GSDMD: variants seen among roughly 807,000 people sequenced by gnomAD.
The protein encoded by GSDMD is gasdermin-D.
A neutral mutation model predicts 46.7 loss-of-function variants in GSDMD; 46 were observed. That is an observed-to-expected ratio of 0.99 (90% confidence interval 0.78 to 1.26). GSDMD has a LOEUF of 1.26. Among genes scored for constraint, GSDMD ranks in the 50% most tolerant of loss-of-function variants. The pLI is 0.00. For missense variants in GSDMD, 649 were observed against 638.8 expected (o/e 1.02, Z -0.17); for synonymous variants, 307 against 283.1 (o/e 1.08, Z -0.85).
rs774693104 is a variant in GSDMD at position 143,560,941 on chromosome 8, C to T, written c.580-61C>T. 20 of 1,548,288 alleles carry T rather than the reference C, an allele frequency of 1.3e-5. No individual in the cohort carries two copies. The East Asian group carries it at 1.6e-4, about 12-fold the overall frequency. The stretch of plus-strand genomic sequence containing the variant: ...GCGGGCCTGCCCCCGGCACCCGGCC[C>T]GCACCCGCACCCCACGGCCCGGTGC... On this transcript the variant is annotated intron_variant, in intron 4 of 10. Transcript: ENST00000262580.
chr8:143,562,412 C>G, intron 9 of GSDMD, 36 bp from the exon 10 acceptor site: 1 of 1,580,132 alleles, frequency 6.3e-7, no homozygotes, highest in Non-Finnish European at 8.6e-7. Flanking sequence ...TCCCGGTGGG[C>G]GTTCAGAAAC....
At chr8:143,554,454 C>G (rs1477412616), upstream of GSDMD, among the ~76,000 whole-genome samples, 3 of 150,900 alleles carry the variant, frequency 2.0e-5, no homozygotes, top group African/African-American at 4.9e-5. Context: ...CACGGACGTG[C>G]ATGCACACGC....
Position 143,562,042 on chromosome 8 carries a change from C to G in GSDMD, c.907C>G (p.Leu303Val). ...EVETISKELE[L>V]LDRELCQLLL... is the part of the protein sequence containing the mutation. ...GGAGACCATCTCCAAGGAACTGGAGCTTTTGGACAGAGAGCTGTGCCAGCT... is the reference window on the plus strand; with the variant it reads ...GGAGACCATCTCCAAGGAACTGGAGGTTTTGGACAGAGAGCTGTGCCAGCT... Residue 303 changes from leucine (L) to valine (V), a missense_variant, in exon 8 of 11, where the codon CTT becomes GTT. Leu to Val is a conservative substitution (Grantham distance 32). Transcript: ENST00000262580. 3 of 1,599,696 alleles carry G rather than the reference C, an allele frequency of 1.9e-6. No homozygotes were observed. The highest frequency in any genetic ancestry group is 2.5e-6 in the Non-Finnish European group (3 of 1,177,446).
upstream of GSDMD, among the ~76,000 whole-genome samples, chr8:143,557,379 C>T (rs377722241): frequency 8.8e-4 from 94 of 106,286 alleles, 5 homozygotes; most frequent in South Asian, 2.8e-3. Flanking sequence ...GCCGCTATGG[C>T]GAAGGATGAT....
intron 6 of GSDMD, 126 bp from the exon 7 acceptor site, chr8:143,561,616 C>G: frequency 1.1e-6 from 1 of 951,242 alleles, no homozygotes; most frequent in Admixed American, 2.2e-5. Flanking sequence ...TCCCTTCCTG[C>G]CCTGGGCTGC....
At position 143,562,242 on chromosome 8, in the gene GSDMD, C is replaced by T. The variant is rs1158854301; in HGVS notation, c.1030C>T (p.Pro344Ser). The change falls in exon 9 of 11, where the codon CCC becomes TCC. Residue 344 changes from proline (P) to serine (S), a missense_variant. Transcript: ENST00000262580. ...EQGQSLGPVE[P>S]LDGPAGAVLE... is the part of the protein sequence containing the mutation. ...GGGCCAGAGCCTTGGGCCGGTGGAG[C>T]CCCTGGACGGTCCAGCAGGTGCTGT... is the stretch of plus-strand genomic sequence containing the variant. The T allele has an allele frequency of 6.4e-6, 10 of 1,563,664 alleles. No homozygotes were observed. Among genetic ancestry groups the T allele is most frequent in the Middle Eastern group, 1.7e-4 (1 of 5,978 alleles).
intron 1 of GSDMD, chr8:143,558,816 C>A: frequency 1.8e-6 from 1 of 565,988 alleles, no homozygotes; most frequent in Non-Finnish European, 3.3e-6. Context: ...CCTATCCCAG[C>A]GGAGGCCCGC....
upstream of GSDMD, chr8:143,555,166 C>A (rs1233209074): frequency 6.6e-6 from 1 of 152,262 alleles, no homozygotes; most frequent in African/African-American, 2.4e-5. Context: ...CTGCTAGAAC[C>A]CAGGATCGCT....
chr8:143,560,245 C>A (rs1261225709), intron 3 of GSDMD: 2 of 687,190 alleles, frequency 2.9e-6, no homozygotes, highest in Non-Finnish European at 5.3e-6. Context: ...AGCGCTGTGG[C>A]CGGAACCAGC....
rs150212290 is a variant in GSDMD at position 143,559,542 on chromosome 8, C to T, written c.207C>T (p.Ala69=). Residue 69 remains alanine, a synonymous_variant, in exon 2 of 11, where the codon GCC becomes GCT. Transcript: ENST00000262580. ...TCAAGGACATCCTGGAGCCGGATGC[C>T]GCGGAACCAGGTGCCTGATGTGGTG... ...LSIKDILEPD[A]AEPDVQRGRS... is the part of the protein sequence containing the mutation. The T allele has an allele frequency of 2.0e-3, 3,276 of 1,612,280 alleles. 5 individuals carry two copies. The highest frequency in any genetic ancestry group is 2.6e-3 in the Non-Finnish European group (3,047 of 1,179,624).
At chr8:143,557,105 G>A (rs1823312225), upstream of GSDMD, among the ~76,000 whole-genome samples, 1 of 152,262 alleles carries the variant, frequency 6.6e-6, no homozygotes, top group Admixed American at 6.5e-5. Flanking sequence ...TCCGCTCCGT[G>A]TGCCTGGCTT....
At position 143,561,986 on chromosome 8, in the gene GSDMD, C is replaced by A. The variant is rs1823472985; in HGVS notation, c.851C>A (p.Thr284Asn). ...GGGGTCCCTGCGGAGGGGGCGTTCA[C>A]TGAAGACTTCCAGGGCCTACGGGCA... ...TDGVPAEGAF[T>N]EDFQGLRAEV... Residue 284 changes from threonine to asparagine, a missense_variant, in exon 8 of 11, where the codon ACT becomes AAT. Transcript: ENST00000262580. 1 of 1,607,950 alleles carries A rather than the reference C, an allele frequency of 6.2e-7. No individual in the cohort carries two copies. Among genetic ancestry groups the A allele is most frequent in the South Asian group, 1.1e-5 (1 of 90,688 alleles).
At chr8:143,559,294 C>G in intron 1 of GSDMD, 38 bp from the exon 2 acceptor site, 2 of 929,460 alleles carry the variant, frequency 2.2e-6, no homozygotes, top group Non-Finnish European at 3.4e-6. Flanking sequence ...TCCCGCCCGC[C>G]CCGAGAGCAC....
upstream of GSDMD, among the ~76,000 whole-genome samples, chr8:143,556,706 TG>T (rs989598937): frequency 8.0e-5 from 12 of 149,318 alleles, no homozygotes; most frequent in African/African-American, 2.4e-4. Context: ...GAGGGCCGGG[TG>T]GGAGGACTAC....
chr8:143,560,647 G>A lies in GSDMD; in HGVS notation c.455G>A (p.Ser152Asn). The A allele has an allele frequency of 6.3e-7, 1 of 1,590,562 alleles. No homozygotes were observed. ...CACAAAGTCCTGCAGCAGCTGCGCA[G>A]CCGCGGGGACAACGTGTACGTGGTG... ...PEHKVLQQLR[S>N]RGDNVYVVTE... The change falls in exon 4 of 11, where the codon AGC (serine) becomes AAC (asparagine). Residue 152 changes from serine (S) to asparagine (N), a missense_variant. Ser to Asn is a conservative substitution (Grantham distance 46, BLOSUM62 1). Coordinates refer to ENST00000262580, the MANE Select transcript of GSDMD (RefSeq NM_024736.7).
At chr8:143,559,280 T>TGCCCCCCCC in intron 1 of GSDMD, 52 bp from the exon 2 acceptor site, 31 of 579,416 alleles carry the variant, frequency 5.4e-5, no homozygotes, top group African/African-American at 9.5e-5. Context: ...CTTCTCCCAC[T>TGCCCCCCCC]CCCTCCCGCC....
chr8:143,562,457 A>G lies in GSDMD; in HGVS notation c.1148A>G (p.Glu383Gly). The change falls in exon 10 of 11, where the codon GAA (glutamate) becomes GGA (glycine). Residue 383 changes from glutamate (E) to glycine (G), a missense_variant. Glu to Gly is a moderately conservative substitution (Grantham distance 98, BLOSUM62 -2). Coordinates refer to ENST00000262580, the MANE Select transcript of GSDMD (RefSeq NM_024736.7). ...YLLGALTMLS[E>G]TQHKLLAEAL... ...CCTGACTCTCTCCCAGTGCTGAGTG[A>G]AACGCAGCACAAGCTGCTGGCGGAG... The G allele has an allele frequency of 6.2e-7, 1 of 1,608,794 alleles. No individual in the cohort carries two copies. The highest frequency in any genetic ancestry group is 8.5e-7 in the Non-Finnish European group (1 of 1,179,406).
chr8:143,557,736 A>G (rs181648065), upstream of GSDMD: 33 of 290,848 alleles, frequency 1.1e-4, no homozygotes, highest in African/African-American at 7.1e-4. Context: ...TAATACGACC[A>G]TCTTTGTCAG....
Position 143,562,366 on chromosome 8 carries a change from G to A in GSDMD, c.1138+16G>A, listed in dbSNP as rs1186518157. 2.6e-6 allele frequency: 4 copies of A among 1,546,600 alleles called. No individual in the cohort carries two copies. The highest frequency in any genetic ancestry group is 2.6e-6 in the Non-Finnish European group (3 of 1,147,322). On this transcript the variant is annotated intron_variant, in intron 9 of 10. Transcript: ENST00000262580. ...GCACTGACCAGTGAGCGGCCGCTGG[G>A]GGCAGGTGGCGGGTGGGAGGGAGGG...
Sources: gnomAD v4.1 joint callset for allele counts (sites outside exome capture counted in the v4.1 genomes callset) on GRCh38, gnomAD v4.1.1 for gene constraint, MANE v1.5 for transcripts, NCBI Gene and HGNC (gene_info 2026-07-23, HGNC 2026-07-21) for gene names.